The following ZNF366 variants were observed in gnomAD, a reference collection of about 807,000 sequenced individuals.
ZNF366 encodes dendritic cell-specific transcript protein.
In ZNF366, 20 loss-of-function variants were observed where a neutral mutation model predicts 47.2. The ratio of observed to expected loss-of-function variants is 0.42; its 90% CI spans 0.30 to 0.62. ZNF366 has a LOEUF of 0.62. Ranked by LOEUF, ZNF366 falls within the 20% of genes least tolerant of loss-of-function variation. The pLI is 0.16. For missense variants in ZNF366, 987 were observed against 976.3 expected (o/e 1.01, Z -0.15); for synonymous variants, 421 against 395.1 (o/e 1.07, Z -0.78).
chr5:72,503,673 A>T (rs1179230067), intron 1 of ZNF366, among the ~76,000 whole-genome samples: 1 of 152,230 alleles, frequency 6.6e-6, no homozygotes, highest in Non-Finnish European at 1.5e-5. Context: ...CAGAGATTGG[A>T]TGAGAACAGC....
At chr5:72,461,910 C>A (rs1000507729) in intron 1 of ZNF366, among the ~76,000 whole-genome samples, 2 of 152,244 alleles carry the variant, frequency 1.3e-5, no homozygotes, top group Non-Finnish European at 2.9e-5. Flanking sequence ...TACATAGGTA[C>A]TCACTGAAGG....
intron 4 of ZNF366, 31 bp downstream of exon 4, chr5:72,447,212 G>A (rs1580230142): frequency 1.2e-6 from 2 of 1,611,920 alleles, no homozygotes; most frequent in South Asian, 1.1e-5. Flanking sequence ...CCACTGGACT[G>A]ACTTGCAGGG....
Position 72,507,315 on chromosome 5 carries a change from CT to C in ZNF366, c.-80del. On this transcript the variant is annotated 5_prime_UTR_variant, in exon 1 of 5. Transcript: ENST00000318442. ...TTTACCTGATCCCTGCTCTCTCTGT[CT>C]CTCTCCCTCTCTCTCTCCCTCTTTC... 2 of 985,484 alleles carry C rather than the reference CT, an allele frequency of 2.0e-6. No individual in the cohort carries two copies. Among genetic ancestry groups the C allele is most frequent in the Non-Finnish European group, 2.4e-6 (2 of 830,010 alleles). The allele number at this position is 985,484 out of a possible 1,614,324, so 61.0% of individuals were successfully genotyped here. A position where few individuals can be genotyped will look rare whatever the true frequency, so the allele number is the denominator to read the frequency against.
Position 72,444,253 on chromosome 5 carries a change from C to G in ZNF366, c.1738G>C (p.Gly580Arg). 6.2e-7 allele frequency: 1 copy of G among 1,613,304 alleles called. No individual in the cohort carries two copies. The highest frequency in any genetic ancestry group is 1.1e-5 in the South Asian group (1 of 91,066). ...TCCTGCTCCAGACTCCTCAGGACAC[C>G]GGCTGTCTGTGCCAGGGCGATTCTC... Reference protein sequence around the residue: ...RGRIALAQTAGVLRSLEQEEP... With the variant: ...RGRIALAQTARVLRSLEQEEP... The change falls in exon 5 of 5, where the codon GGT becomes CGT. Residue 580 changes from glycine to arginine, a missense_variant. Gly to Arg is a moderately radical substitution (Grantham distance 125). Around this residue, in one of 3 missense-constraint regions of ZNF366, gnomAD observed 285 missense variants for 234.8 expected, o/e 1.21. Coordinates refer to ENST00000318442, the MANE Select transcript of ZNF366 (RefSeq NM_152625.3).
intron 1 of ZNF366, among the ~76,000 whole-genome samples, chr5:72,489,579 C>G (rs1374428087): frequency 6.6e-6 from 1 of 152,248 alleles, no homozygotes; most frequent in Non-Finnish European, 1.5e-5. Context: ...TACCAAATTT[C>G]TCTGCTCCAT....
intron 1 of ZNF366, among the ~76,000 whole-genome samples, chr5:72,462,539 C>CTT (rs1561194904): frequency 1.1e-3 from 92 of 82,918 alleles, no homozygotes; most frequent in Non-Finnish European, 1.4e-3. Flanking sequence ...TTCTTTCTTT[C>CTT]TTTCTTTCTT....
At chr5:72,492,742 T>G (rs912986520) in intron 1 of ZNF366, among the ~76,000 whole-genome samples, 55 of 152,368 alleles carry the variant, frequency 3.6e-4, no homozygotes, top group African/African-American at 1.3e-3. Context: ...TCTAACTTCC[T>G]TTGACCTTCT....
At chr5:72,473,958 T>TAAAA (rs1743620440) in intron 1 of ZNF366, among the ~76,000 whole-genome samples, 1 of 152,244 alleles carries the variant, frequency 6.6e-6, no homozygotes. Context: ...GAGGTTTGTC[T>TAAAA]GTGGCTTGAA....
intron 1 of ZNF366, among the ~76,000 whole-genome samples, chr5:72,474,675 CAG>C (rs1743637844): frequency 6.6e-6 from 1 of 152,000 alleles, no homozygotes; most frequent in East Asian, 1.9e-4. Flanking sequence ...CACACACACA[CAG>C]ACACACACAC....
intron 1 of ZNF366, among the ~76,000 whole-genome samples, chr5:72,494,014 G>T (rs1744066040): frequency 1.4e-5 from 2 of 140,306 alleles, no homozygotes; most frequent in Admixed American, 7.9e-5. Flanking sequence ...CTTATGATCT[G>T]CCCACCTCAG....
At chr5:72,483,542 G>A (rs1743829869) in intron 1 of ZNF366, among the ~76,000 whole-genome samples, 1 of 152,152 alleles carries the variant, frequency 6.6e-6, no homozygotes, top group Middle Eastern at 3.2e-3. Context: ...TTGTGCCTGT[G>A]AGCCAAGCAT....
rs1743310941 is a variant in ZNF366 at position 72,461,408 on chromosome 5, T to C, written c.89A>G (p.Gln30Arg). Residue 30 changes from glutamine (Q) to arginine (R), a missense_variant, in exon 2 of 5, where the codon CAG becomes CGG. Coordinates refer to ENST00000318442, the MANE Select transcript of ZNF366 (RefSeq NM_152625.3). ...KKTPSFPHCLQPVASRGKAPQ... is the reference protein window; with the variant it reads ...KKTPSFPHCLRPVASRGKAPQ... The stretch of plus-strand genomic sequence containing the variant: ...AGCCTTTCCCCGAGAAGCCACTGGC[T>C]GCAGGCAGTGGGGAAAGGAGGGGGT... 6.2e-7 allele frequency: 1 copy of C among 1,613,142 alleles called. No individual in the cohort carries two copies. The highest frequency in any genetic ancestry group is 8.5e-7 in the Non-Finnish European group (1 of 1,179,228).
chr5:72,448,274 G>A (rs1742998613), intron 3 of ZNF366, among the ~76,000 whole-genome samples: 1 of 152,018 alleles, frequency 6.6e-6, no homozygotes, highest in African/African-American at 2.4e-5. Context: ...AAGTAAGCAT[G>A]TTTTATACTC....
At chr5:72,505,132 C>T (rs1415690713) in intron 1 of ZNF366, among the ~76,000 whole-genome samples, 1 of 152,168 alleles carries the variant, frequency 6.6e-6, no homozygotes, top group African/African-American at 2.4e-5. Flanking sequence ...CTGTGTGTCT[C>T]AAATTCTGGA....
At chr5:72,477,986 T>C (rs1318392611) in intron 1 of ZNF366, among the ~76,000 whole-genome samples, 1 of 152,144 alleles carries the variant, frequency 6.6e-6, no homozygotes, top group Non-Finnish European at 1.5e-5. Context: ...ACTTATATAA[T>C]GGCCTTCTGG....
intron 1 of ZNF366, among the ~76,000 whole-genome samples, chr5:72,478,245 C>G (rs1743715610): frequency 6.8e-6 from 1 of 146,466 alleles, no homozygotes; most frequent in Non-Finnish European, 1.5e-5. Flanking sequence ...TCACAGTCAC[C>G]CATTTCTTCA....
intron 3 of ZNF366, among the ~76,000 whole-genome samples, chr5:72,456,023 T>C (rs1743175202): frequency 6.6e-6 from 1 of 152,194 alleles, no homozygotes; most frequent in South Asian, 2.1e-4. Context: ...TCCTGCTCAT[T>C]GCCTTGTAAG....
At chr5:72,449,246 A>AT (rs1743015278) in intron 3 of ZNF366, among the ~76,000 whole-genome samples, 2 of 125,168 alleles carry the variant, frequency 1.6e-5, no homozygotes, top group African/African-American at 3.0e-5. Context: ...CATGGCTGAA[A>AT]GGTTTTTTTT....
In ZNF366 at chr5:72,498,789, C is replaced by T. The variant is rs777774227; in HGVS notation, c.-15+8462G>A. On this transcript the variant is annotated intron_variant, in intron 1 of 4. Coordinates refer to ENST00000318442, the MANE Select transcript of ZNF366 (RefSeq NM_152625.3). ...TGTATGTATACACAAGTGTAAGGTACATGTACCATGTACCTAGCGATAGCA... is the reference window on the plus strand; with the variant it reads ...TGTATGTATACACAAGTGTAAGGTATATGTACCATGTACCTAGCGATAGCA... Among the ~76,000 whole-genome samples, 37 of 152,304 alleles carry T rather than the reference C, an allele frequency of 2.4e-4. 1 individual carries two copies. The highest frequency in any genetic ancestry group is 6.8e-3 in the Middle Eastern group (2 of 294).
Sources: allele counts gnomAD v4.1 joint callset (sites outside exome capture counted in the v4.1 genomes callset), GRCh38; gene constraint gnomAD v4.1.1; regional missense constraint gnomAD v4.1.1; transcripts MANE v1.5; gene names NCBI Gene and HGNC (gene_info 2026-07-23, HGNC 2026-07-21).